BMPR1B: variants seen among roughly 807,000 people sequenced by gnomAD.
BMPR1B encodes bone morphogenetic protein receptor type-1B.
Under a neutral mutation model 59.1 loss-of-function variants are expected in BMPR1B, and 12 were observed. The observed-to-expected ratio is 0.20, with a 90% CI of 0.13 to 0.33. The LOEUF (loss-of-function observed/expected upper bound fraction) is 0.33, where lower values mean the gene tolerates loss of function less well. Among genes scored for constraint, BMPR1B ranks in the 10% least tolerant of loss-of-function variants. The pLI, the probability that BMPR1B is intolerant of heterozygous loss-of-function variation, is 1.00. For missense variants in BMPR1B, 550 were observed against 610.9 expected (o/e 0.90, Z 1.05); for synonymous variants, 237 against 207.3 (o/e 1.14, Z -1.23).
At chr4:95,009,150 A>G (rs1198797748) in intron 3 of BMPR1B, among the ~76,000 whole-genome samples, 1 of 152,206 alleles carries the variant, frequency 6.6e-6, no homozygotes, top group Non-Finnish European at 1.5e-5. Flanking sequence ...CTTGGTGTGG[A>G]TGTGAAGCAA....
intron 2 of BMPR1B, among the ~76,000 whole-genome samples, chr4:94,946,236 G>A (rs17022683): frequency 0.02 from 2,977 of 152,084 alleles, 97 homozygotes; most frequent in African/African-American, 0.067. Flanking sequence ...GTAGTTTTTC[G>A]TTGAATGGAG....
At chr4:94,963,676 C>A (rs565164514) in intron 2 of BMPR1B, among the ~76,000 whole-genome samples, 1 of 152,106 alleles carries the variant, frequency 6.6e-6, no homozygotes, top group Non-Finnish European at 1.5e-5. Flanking sequence ...GTTATGGGTT[C>A]TCTGTTCTTT....
At chr4:94,828,005 G>C (rs1724445324) in intron 1 of BMPR1B, among the ~76,000 whole-genome samples, 1 of 152,130 alleles carries the variant, frequency 6.6e-6, no homozygotes, top group African/African-American at 2.4e-5. Context: ...TTCACACAAG[G>C]TGTTTGTAAA....
chr4:94,979,123 G>T (rs1731140626), intron 2 of BMPR1B, among the ~76,000 whole-genome samples: 1 of 152,034 alleles, frequency 6.6e-6, no homozygotes, highest in African/African-American at 2.4e-5. Context: ...CTATGATTCA[G>T]TTACCTCCCA....
intron 2 of BMPR1B, among the ~76,000 whole-genome samples, chr4:94,963,096 T>C (rs769062588): frequency 5.9e-5 from 9 of 152,230 alleles, no homozygotes; most frequent in Non-Finnish European, 1.2e-4. Context: ...TTTTAAAATA[T>C]ATCTGTTGGA....
At chr4:95,104,721 T>C (rs763720990) in intron 4 of BMPR1B, among the ~76,000 whole-genome samples, 154 bp downstream of exon 4, 2 of 152,122 alleles carry the variant, frequency 1.3e-5, no homozygotes, top group African/African-American at 2.4e-5. Context: ...TAGAGAAATA[T>C]TGAATTGTGT....
intron 3 of BMPR1B, among the ~76,000 whole-genome samples, chr4:95,053,762 G>A (rs1306768135): frequency 6.6e-6 from 1 of 151,908 alleles, no homozygotes; most frequent in East Asian, 1.9e-4. Context: ...TTTTTGTTGA[G>A]GAATTACTCT....
chr4:94,975,834 T>C (rs991254348), intron 2 of BMPR1B, among the ~76,000 whole-genome samples: 1 of 152,266 alleles, frequency 6.6e-6, no homozygotes, highest in Non-Finnish European at 1.5e-5. Context: ...ATTGCTGTTT[T>C]CAGTTGTTTC....
chr4:94,940,740 C>G (rs1343181163), intron 2 of BMPR1B, among the ~76,000 whole-genome samples: 1 of 152,128 alleles, frequency 6.6e-6, no homozygotes. Context: ...AATGTATTAC[C>G]AAGCTCTATT....
chr4:94,806,823 T>C (rs1723622888), intron 1 of BMPR1B, among the ~76,000 whole-genome samples: 1 of 152,222 alleles, frequency 6.6e-6, no homozygotes, highest in Admixed American at 6.5e-5. Flanking sequence ...TTGCTGTTTA[T>C]TTGAAATTCA....
chr4:95,050,473 C>CA (rs373418601), intron 3 of BMPR1B, among the ~76,000 whole-genome samples: 62 of 151,528 alleles, frequency 4.1e-4, no homozygotes, highest in Middle Eastern at 3.4e-3. Flanking sequence ...ATTATCAAAA[C>CA]AAAAAAAACA....
intron 1 of BMPR1B, among the ~76,000 whole-genome samples, chr4:94,798,324 T>TG (rs35043260): frequency 8.1e-4 from 124 of 152,346 alleles, no homozygotes; most frequent in Non-Finnish European, 1.3e-3. Flanking sequence ...TGCTGACTGT[T>TG]GCAATTTGTA....
At chr4:94,978,049 G>A (rs1324641830) in intron 2 of BMPR1B, among the ~76,000 whole-genome samples, 1 of 152,106 alleles carries the variant, frequency 6.6e-6, no homozygotes, top group African/African-American at 2.4e-5. Flanking sequence ...AGCCCACACA[G>A]CCATATTTCT....
At chr4:94,774,224 A>C (rs552549756) in intron 1 of BMPR1B, among the ~76,000 whole-genome samples, 2 of 152,112 alleles carry the variant, frequency 1.3e-5, no homozygotes, top group Admixed American at 6.5e-5. Context: ...CTAAAATACA[A>C]TTGAGAGGAC....
intron 2 of BMPR1B, among the ~76,000 whole-genome samples, chr4:94,914,476 A>G (rs978691869): frequency 7.2e-5 from 11 of 152,130 alleles, no homozygotes; most frequent in African/African-American, 1.9e-4. Context: ...CACTTAGAGT[A>G]TTAATTGAGT....
intron 1 of BMPR1B, among the ~76,000 whole-genome samples, chr4:94,854,861 A>G (rs1725698221): frequency 6.6e-6 from 1 of 152,188 alleles, no homozygotes; most frequent in African/African-American, 2.4e-5. Context: ...TAGGGTTGTA[A>G]GCTTTTAAAC....
At chr4:94,911,030 ACTT>A (rs1053316554) in intron 2 of BMPR1B, among the ~76,000 whole-genome samples, 13 of 152,144 alleles carry the variant, frequency 8.5e-5, no homozygotes, top group Non-Finnish European at 1.6e-4. Flanking sequence ...CTATGCTTTC[ACTT>A]CTTTGACCTA....
chr4:94,936,876 T>C (rs932701938), intron 2 of BMPR1B, among the ~76,000 whole-genome samples: 1 of 152,098 alleles, frequency 6.6e-6, no homozygotes, highest in African/African-American at 2.4e-5. Context: ...TCACTGTTTC[T>C]CAGACTCTAA....
At chr4:94,795,568 A>G (rs1215399126) in intron 1 of BMPR1B, among the ~76,000 whole-genome samples, 5 of 152,016 alleles carry the variant, frequency 3.3e-5, no homozygotes, top group African/African-American at 1.2e-4. Context: ...GGTTCAAGCG[A>G]TTCTCCTGCC....
Sources: allele counts gnomAD v4.1 joint callset (sites outside exome capture counted in the v4.1 genomes callset), GRCh38; gene constraint gnomAD v4.1.1; transcripts MANE v1.5; gene names NCBI Gene and HGNC (gene_info 2026-07-23, HGNC 2026-07-21).